Variants in MARCHF1 observed in about 807,000 individuals in gnomAD.
MARCHF1 encodes the protein E3 ubiquitin-protein ligase MARCHF1.
In MARCHF1, 40 loss-of-function variants were observed where a neutral mutation model predicts 54.2. The ratio of observed to expected loss-of-function variants is 0.74; its 90% CI spans 0.57 to 0.96. The LOEUF is 0.96. MARCHF1 is among the 40% of genes least tolerant of loss of function. The pLI is 0.00. For missense variants in MARCHF1, 586 were observed against 656.5 expected (o/e 0.89, Z 1.17); for synonymous variants, 236 against 236.3 (o/e 1.00, Z 0.01).
chr4:163,787,845 A>C (rs961189692), intron 4 of MARCHF1, among the ~76,000 whole-genome samples: 4 of 152,000 alleles, frequency 2.6e-5, no homozygotes, highest in Non-Finnish European at 4.4e-5. Flanking sequence ...AGACAGATGA[A>C]TGGATAACAA....
rs1044515046 is a variant in MARCHF1, at chr4:163,829,101, A to G, written c.111+24920T>C. 6 of 152,348 alleles carry G rather than the reference A, an allele frequency of 3.9e-5. No homozygotes were observed. In the East Asian group the frequency reaches 7.7e-4, roughly 20 times the overall value. The allele number at this position is 152,348 out of a possible 1,614,324, so 9.4% of individuals were successfully genotyped here. ...GGGATGATGAATATCACAGCCAGAA[A>G]TCCTTCACACCCAAAAGGGCAAGGG... On this transcript the variant is annotated intron_variant, in intron 4 of 9. Coordinates refer to ENST00000514618, the MANE Select transcript of MARCHF1 (RefSeq NM_001394959.1).
intron 1 of MARCHF1, among the ~76,000 whole-genome samples, chr4:164,129,529 T>C (rs1222218629): frequency 6.6e-6 from 1 of 152,174 alleles, no homozygotes; most frequent in African/African-American, 2.4e-5. Flanking sequence ...TCAAAAGGGA[T>C]GGCATAGTCT....
intron 2 of MARCHF1, among the ~76,000 whole-genome samples, chr4:164,026,035 C>A (rs568702635): frequency 4.0e-5 from 6 of 151,776 alleles, no homozygotes; most frequent in Admixed American, 2.0e-4. Context: ...AAGGTGAAAA[C>A]CTGAAAAGAA....
chr4:163,543,544 G>A (rs368812246), intron 9 of MARCHF1, among the ~76,000 whole-genome samples: 3 of 152,092 alleles, frequency 2.0e-5, no homozygotes, highest in African/African-American at 4.8e-5. Flanking sequence ...GAGTACAGTA[G>A]GAGTGGGAAA....
chr4:164,209,021 TTATTATATA>T (rs1461688543), intron 1 of MARCHF1, among the ~76,000 whole-genome samples: 1 of 149,732 alleles, frequency 6.7e-6, no homozygotes, highest in East Asian at 1.9e-4. Flanking sequence ...ACATACATAT[TTATTATATA>T]TATTATATAT....
intron 1 of MARCHF1, among the ~76,000 whole-genome samples, chr4:164,358,855 G>A (rs1321004471): frequency 6.6e-6 from 1 of 151,924 alleles, no homozygotes; most frequent in African/African-American, 2.4e-5. Context: ...ATTGGACATC[G>A]AGCAATTGGA....
At chr4:164,292,981 T>C (rs2111371906) in intron 1 of MARCHF1, among the ~76,000 whole-genome samples, 1 of 152,292 alleles carries the variant, frequency 6.6e-6, no homozygotes, top group African/African-American at 2.4e-5. Flanking sequence ...CATTTGACTC[T>C]CCAGTCATTT....
At chr4:164,098,334 G>C (rs1310175539) in intron 2 of MARCHF1, among the ~76,000 whole-genome samples, 1 of 152,142 alleles carries the variant, frequency 6.6e-6, no homozygotes, top group Non-Finnish European at 1.5e-5. Context: ...AAATCTAATG[G>C]TTCCAGGACA....
intron 4 of MARCHF1, among the ~76,000 whole-genome samples, chr4:163,849,569 T>A (rs1261883846): frequency 6.6e-6 from 1 of 152,162 alleles, no homozygotes; most frequent in Non-Finnish European, 1.5e-5. Context: ...ATAAGAAGAT[T>A]GTATGTTTCA....
At chr4:163,978,719 T>TTTG (rs967459639) in intron 3 of MARCHF1, among the ~76,000 whole-genome samples, 1 of 151,848 alleles carries the variant, frequency 6.6e-6, no homozygotes, top group Non-Finnish European at 1.5e-5. Flanking sequence ...TTACTTCTCT[T>TTTG]TTGTTGTTGT....
intron 4 of MARCHF1, among the ~76,000 whole-genome samples, chr4:163,723,890 C>A (rs1029157022): frequency 5.9e-5 from 9 of 152,164 alleles, no homozygotes; most frequent in Non-Finnish European, 1.2e-4. Context: ...CATTTAAGGA[C>A]TTCTCTACAC....
At chr4:163,618,335 G>A (rs1741578845) in intron 5 of MARCHF1, among the ~76,000 whole-genome samples, 1 of 152,064 alleles carries the variant, frequency 6.6e-6, no homozygotes, top group Non-Finnish European at 1.5e-5. Context: ...GGCACAACCT[G>A]GAAGTGTGAT....
At position 163,936,024 on chromosome 4, in the gene MARCHF1, G is replaced by T. The variant is rs116139853; in HGVS notation, c.-39+52477C>A. 9.2e-5 allele frequency among the ~76,000 whole-genome samples: 14 copies of T among 152,158 alleles called. No homozygotes were observed. The South Asian group carries it at 1.2e-3, about 14-fold the overall frequency. ...TTCACTTGAACACTTAGTGGCTATC[G>T]TATGGTAATTAGTTGGCCTAATTTT... On this transcript the variant is annotated intron_variant, in intron 3 of 9. Coordinates refer to ENST00000514618, the MANE Select transcript of MARCHF1 (RefSeq NM_001394959.1).
chr4:163,769,046 A>C (rs902480727), intron 4 of MARCHF1, among the ~76,000 whole-genome samples: 6 of 152,186 alleles, frequency 3.9e-5, no homozygotes, highest in African/African-American at 1.4e-4. Context: ...TTAGTTAGCA[A>C]AAGACTATTG....
At chr4:163,978,977 A>G (rs1374577920) in intron 3 of MARCHF1, among the ~76,000 whole-genome samples, 1 of 150,136 alleles carries the variant, frequency 6.7e-6, no homozygotes, top group East Asian at 2.0e-4. Flanking sequence ...TGATCCTCAC[A>G]TCTTAGCCTC....
intron 4 of MARCHF1, among the ~76,000 whole-genome samples, chr4:163,816,913 A>G (rs1748548874): frequency 6.6e-6 from 1 of 151,968 alleles, no homozygotes; most frequent in Non-Finnish European, 1.5e-5. Flanking sequence ...TCATCCCAAT[A>G]GCTATGATGA....
chr4:164,012,966 A>C (rs1753455265), intron 2 of MARCHF1, among the ~76,000 whole-genome samples: 1 of 152,158 alleles, frequency 6.6e-6, no homozygotes, highest in Non-Finnish European at 1.5e-5. Flanking sequence ...TAAATATATA[A>C]GTCTTCCATG....
chr4:163,899,576 A>G (rs977335101), intron 3 of MARCHF1, among the ~76,000 whole-genome samples: 3 of 152,034 alleles, frequency 2.0e-5, no homozygotes, highest in Non-Finnish European at 2.9e-5. Context: ...TTCTTGGCTG[A>G]TATCAACAGT....
chr4:164,201,341 T>A (rs1372886892), intron 1 of MARCHF1, among the ~76,000 whole-genome samples: 2 of 152,164 alleles, frequency 1.3e-5, no homozygotes, highest in Non-Finnish European at 2.9e-5. Context: ...TGCCTCAGCC[T>A]CCCTAGTAGT....
Sources: gnomAD v4.1 joint callset for allele counts (sites outside exome capture counted in the v4.1 genomes callset) on GRCh38, gnomAD v4.1.1 for gene constraint, MANE v1.5 for transcripts, NCBI Gene and HGNC (gene_info 2026-07-23, HGNC 2026-07-21) for gene names.